Variants in FGD5 observed in about 807,000 individuals in gnomAD.
FGD5 encodes the protein FYVE, RhoGEF and PH domain-containing protein 5.
FGD5 carries 28 observed loss-of-function variants against 133.4 expected under a neutral mutation model. That is an observed-to-expected ratio of 0.21 (90% CI 0.16 to 0.29). The LOEUF (loss-of-function observed/expected upper bound fraction) is 0.29. Among genes scored for constraint, FGD5 ranks in the 10% least tolerant of loss-of-function variants. The pLI, the probability that FGD5 is intolerant of heterozygous loss-of-function variation, is 1.00. For missense variants in FGD5, 1,858 were observed against 1,895.2 expected (o/e 0.98, Z 0.36); for synonymous variants, 810 against 776.5 (o/e 1.04, Z -0.72).
chr3:14,844,214 AAAAATATATATATATATATATAT>A (rs1404734248), intron 1 of FGD5, among the ~76,000 whole-genome samples: 14 of 35,554 alleles, frequency 3.9e-4, no homozygotes, highest in Admixed American at 2.8e-3. Context: ...TAAAAAAAAA[AAAAATATATATATATATATATAT>A]ATATATATAT....
In FGD5 at chr3:14,880,638, C is replaced by T; in HGVS notation, c.2717+8C>T. The T allele has an allele frequency of 1.9e-6, 3 of 1,613,970 alleles. No homozygotes were observed. The highest frequency in any genetic ancestry group is 2.5e-6 in the Non-Finnish European group (3 of 1,179,896). ...GCTATCTTCAGAGAAAGCGTGAGTC[C>T]CCAAGGAGCTGCCTGTGGCCTTGAG... is the stretch of plus-strand genomic sequence containing the variant. On this transcript the variant is annotated splice_region_variant and intron_variant, in intron 3 of 19. Transcript: ENST00000285046.
intron 4 of FGD5, among the ~76,000 whole-genome samples, chr3:14,881,504 G>A (rs576376614): frequency 3.3e-5 from 5 of 152,192 alleles, no homozygotes; most frequent in Non-Finnish European, 7.3e-5. Context: ...CCTTGGGCAG[G>A]CTTCCCTGAG....
At chr3:14,924,196 T>C (rs1293441834) in intron 17 of FGD5, 58 bp downstream of exon 17, 3 of 1,612,204 alleles carry the variant, frequency 1.9e-6, no homozygotes, top group Non-Finnish European at 2.5e-6. Context: ...TTCATGGTCA[T>C]CCTGGGTAGA....
intron 9 of FGD5, among the ~76,000 whole-genome samples, chr3:14,902,321 A>T (rs1175953801): frequency 6.7e-6 from 1 of 149,570 alleles, no homozygotes; most frequent in Non-Finnish European, 1.5e-5. Flanking sequence ...AGGTGTCCCC[A>T]TAGGGAGGAT....
At chr3:14,850,953 G>T (rs73815969) in intron 1 of FGD5, among the ~76,000 whole-genome samples, 3,074 of 152,278 alleles carry the variant, frequency 0.02, 92 homozygotes, top group African/African-American at 0.07. Context: ...CAAAGATGTG[G>T]CAGGAATCAC....
chr3:14,864,369 C>G (rs898573849), intron 2 of FGD5, 109 bp downstream of exon 2: 44 of 1,527,664 alleles, frequency 2.9e-5, no homozygotes, highest in Non-Finnish European at 3.7e-5. Context: ...TTGCAGATAG[C>G]TGGCCCCAGC....
intron 4 of FGD5, among the ~76,000 whole-genome samples, chr3:14,887,617 G>A (rs917301968): frequency 3.9e-5 from 6 of 152,034 alleles, no homozygotes; most frequent in African/African-American, 1.2e-4. Flanking sequence ...AGGGAGTGAT[G>A]GCAGGGAAAG....
At chr3:14,826,929 TG>T (rs1407505898) in intron 1 of FGD5, among the ~76,000 whole-genome samples, 3 of 152,224 alleles carry the variant, frequency 2.0e-5, no homozygotes, top group Non-Finnish European at 4.4e-5. Context: ...GGTTCAGGGC[TG>T]CAGGCAACAT....
intron 2 of FGD5, 35 bp from the exon 3 acceptor site, chr3:14,880,537 C>T: frequency 5.0e-6 from 8 of 1,607,848 alleles, no homozygotes; most frequent in Non-Finnish European, 6.8e-6. Flanking sequence ...ACCACTGATG[C>T]CTGTCCCACC....
intron 15 of FGD5, 40 bp from the exon 16 acceptor site, chr3:14,923,006 G>A: frequency 6.2e-7 from 1 of 1,613,274 alleles, no homozygotes; most frequent in Non-Finnish European, 8.5e-7. Context: ...TCCTTTGCAT[G>A]CACTGAGAGG....
intron 1 of FGD5, among the ~76,000 whole-genome samples, chr3:14,811,747 C>T (rs1341828980): frequency 6.6e-6 from 1 of 152,206 alleles, no homozygotes; most frequent in Non-Finnish European, 1.5e-5. Context: ...GAACCCAGTC[C>T]TCGGGATTCC....
At chr3:14,880,074 C>T (rs1033847210) in intron 2 of FGD5, among the ~76,000 whole-genome samples, 6 of 152,102 alleles carry the variant, frequency 3.9e-5, no homozygotes, top group African/African-American at 4.8e-5. Flanking sequence ...CAGCTGGGCT[C>T]GGTGGCTCAT....
At chr3:14,861,500 C>T (rs1406099646) in intron 1 of FGD5, among the ~76,000 whole-genome samples, 1 of 152,240 alleles carries the variant, frequency 6.6e-6, no homozygotes. Context: ...GGCCCAACTG[C>T]ATCTGCTTTC....
At chr3:14,907,595 G>C (rs293910) in intron 9 of FGD5, 45 bp from the exon 10 acceptor site, 1 of 1,579,852 alleles carries the variant, frequency 6.3e-7, no homozygotes, top group Non-Finnish European at 8.7e-7. Context: ...AAGACGCCTG[G>C]TAGGGGCCCT....
intron 4 of FGD5, among the ~76,000 whole-genome samples, chr3:14,883,102 G>T (rs2037857724): frequency 6.6e-6 from 1 of 152,126 alleles, no homozygotes; most frequent in South Asian, 2.1e-4. Context: ...CTCTGTGCTT[G>T]TCACATGGTA....
intron 1 of FGD5, among the ~76,000 whole-genome samples, chr3:14,836,595 TG>T (rs2036821550): frequency 6.6e-6 from 1 of 152,096 alleles, no homozygotes; most frequent in South Asian, 2.1e-4. Flanking sequence ...GCCTTGAGGG[TG>T]GGAGGTTCAG....
intron 1 of FGD5, among the ~76,000 whole-genome samples, chr3:14,840,519 C>G (rs138028592): frequency 1.2e-4 from 18 of 151,774 alleles, no homozygotes; most frequent in African/African-American, 4.1e-4. Context: ...AGTGAGCATA[C>G]TCTTCTGGAT....
chr3:14,901,163 C>A, intron 9 of FGD5, 102 bp downstream of exon 9: 2 of 1,279,698 alleles, frequency 1.6e-6, no homozygotes, highest in Non-Finnish European at 1.1e-6. Flanking sequence ...GGGCTGCAGG[C>A]AACCGTCTCT....
chr3:14,898,213 G>A lies in FGD5; in HGVS notation c.3066+118G>A, dbSNP rs368477115. ...GGTGTGGGGCTGGGGAGCAGACAGG[G>A]AAGACCTGGCCAGAGGGATGAGAGG... On this transcript the variant is annotated intron_variant, in intron 6 of 19. Transcript: ENST00000285046. 1.4e-3 allele frequency: 1,905 copies of A among 1,353,082 alleles called. 32 individuals carry two copies. The South Asian group carries it at 0.023, about 17-fold the overall frequency. The allele number at this position is 1,353,082 out of a possible 1,614,324, so 83.8% of individuals were successfully genotyped here.
Sources: allele counts gnomAD v4.1 joint callset (sites outside exome capture counted in the v4.1 genomes callset), GRCh38; gene constraint gnomAD v4.1.1; transcripts MANE v1.5; gene names NCBI Gene and HGNC (gene_info 2026-07-23, HGNC 2026-07-21).